Variants in SYBU observed in about 807,000 individuals in gnomAD.
The protein encoded by SYBU is GOLSYN A protein.
Under a neutral mutation model 35.9 loss-of-function variants are expected in SYBU, and 21 were observed. The ratio of observed to expected loss-of-function variants is 0.58; its 90% confidence interval spans 0.41 to 0.84. The LOEUF (loss-of-function observed/expected upper bound fraction) is 0.84. SYBU is among the 40% of genes least tolerant of loss of function. SYBU has a pLI of 0.00. For synonymous variants in SYBU, 319 were observed against 324.3 expected (o/e 0.98, Z 0.18); for missense variants, 768 against 848.2 (o/e 0.91, Z 1.17).
At chr8:109,646,068 A>T (rs1175945819), upstream of SYBU, 2 of 152,216 alleles carry the variant, frequency 1.3e-5, no homozygotes, top group African/African-American at 4.8e-5. Context: ...AAAGCTCGAA[A>T]ATCTGTCCAA....
At chr8:109,683,878 C>T (rs112955190), upstream of SYBU, among the ~76,000 whole-genome samples, 819 of 152,186 alleles carry the variant, frequency 5.4e-3, 5 homozygotes, top group African/African-American at 0.019. Flanking sequence ...AAGGAGCTTC[C>T]CCCCTTTTTC....
At chr8:109,644,965 G>A, upstream of SYBU, 1 of 464,432 alleles carries the variant, frequency 2.2e-6, no homozygotes, top group Non-Finnish European at 3.9e-6. Flanking sequence ...CGCCCCACCC[G>A]CCCGATTTCC....
At chr8:109,630,418 T>A (rs1813484318) in intron 2 of SYBU, among the ~76,000 whole-genome samples, 1 of 150,234 alleles carries the variant, frequency 6.7e-6, no homozygotes, top group Non-Finnish European at 1.5e-5. Context: ...AAACTTGAAG[T>A]ATAATAATAA....
intron 2 of SYBU, among the ~76,000 whole-genome samples, chr8:109,630,660 T>A (rs1451853346): frequency 6.6e-6 from 1 of 152,236 alleles, no homozygotes; most frequent in Non-Finnish European, 1.5e-5. Context: ...AGTGGGTATA[T>A]GGCACTCATT....
upstream of SYBU, among the ~76,000 whole-genome samples, chr8:109,649,121 G>A (rs1235459222): frequency 6.8e-6 from 1 of 146,704 alleles, no homozygotes; most frequent in African/African-American, 2.5e-5. Context: ...TCCTGCCTTA[G>A]CCTCCTGAGT....
chr8:109,607,853 C>CAG, intron 3 of SYBU: 2 of 923,966 alleles, frequency 2.2e-6, no homozygotes, highest in Non-Finnish European at 1.7e-6. Flanking sequence ...CACACACACA[C>CAG]AGTCTAGCCT....
chr8:109,578,723 G>T (rs1822653122), intron 5 of SYBU, among the ~76,000 whole-genome samples: 1 of 152,184 alleles, frequency 6.6e-6, no homozygotes, highest in Admixed American at 6.5e-5. Context: ...CAGCACAGTG[G>T]GTGAGGGTCA....
At chr8:109,580,089 C>A in intron 4 of SYBU, 87 bp from the exon 5 acceptor site, 1 of 1,282,082 alleles carries the variant, frequency 7.8e-7, no homozygotes, top group Non-Finnish European at 1.1e-6. Flanking sequence ...CTAAGGAAAT[C>A]CAATTTATAG....
chr8:109,609,059 C>A (rs1810890346), intron 3 of SYBU, among the ~76,000 whole-genome samples: 1 of 152,104 alleles, frequency 6.6e-6, no homozygotes, highest in South Asian at 2.1e-4. Flanking sequence ...AATAAACTCC[C>A]CCGACCCGTG....
chr8:109,672,227 G>A (rs1410746130), intron 1 of SYBU, among the ~76,000 whole-genome samples: 1 of 152,110 alleles, frequency 6.6e-6, no homozygotes, highest in East Asian at 1.9e-4. Context: ...TTTAAAAGCT[G>A]GGGGTGGCTG....
intron 2 of SYBU, among the ~76,000 whole-genome samples, chr8:109,630,129 T>C (rs1163893172): frequency 6.6e-6 from 1 of 151,788 alleles, no homozygotes; most frequent in Non-Finnish European, 1.5e-5. Flanking sequence ...TGTAGGGACA[T>C]GGATGAAATT....
intron 3 of SYBU, among the ~76,000 whole-genome samples, chr8:109,610,962 T>C (rs1298383638): frequency 6.6e-6 from 1 of 152,184 alleles, no homozygotes; most frequent in Non-Finnish European, 1.5e-5. Flanking sequence ...GCACATACCT[T>C]TGCAGTCAGT....
chr8:109,658,775 G>A lies in SYBU; in HGVS notation c.-129+21936C>T, dbSNP rs113347743. 1.2e-3 allele frequency among the ~76,000 whole-genome samples: 184 copies of A among 152,240 alleles called. 1 individual carries two copies. Among genetic ancestry groups the A allele is most frequent in the African/African-American group, 4.2e-3 (176 of 41,552 alleles). ...TTGAGACTAGCTTGACCAACAGGGTGAAACCCCATCTCTATGAAAAATACA... is the reference window on the plus strand; with the variant it reads ...TTGAGACTAGCTTGACCAACAGGGTAAAACCCCATCTCTATGAAAAATACA... On this transcript the variant is annotated intron_variant, in intron 1 of 5. Coordinates refer to the SYBU transcript ENST00000408889.
chr8:109,656,314 T>A (rs1816353220), intron 1 of SYBU, among the ~76,000 whole-genome samples: 1 of 152,212 alleles, frequency 6.6e-6, no homozygotes. Context: ...ATATTTCCCT[T>A]AGTGAACACC....
intron 2 of SYBU, among the ~76,000 whole-genome samples, chr8:109,621,285 G>A (rs1173553788): frequency 6.6e-6 from 1 of 152,230 alleles, no homozygotes; most frequent in Non-Finnish European, 1.5e-5. Flanking sequence ...CAAGGATTAA[G>A]TGCTGGGGTC....
intron 1 of SYBU, among the ~76,000 whole-genome samples, chr8:109,656,258 G>A (rs1393664554): frequency 6.6e-6 from 1 of 152,186 alleles, no homozygotes; most frequent in Admixed American, 6.5e-5. Context: ...CCTAATGCTT[G>A]AGACACTAAG....
intron 3 of SYBU, among the ~76,000 whole-genome samples, chr8:109,589,943 T>G (rs1378340813): frequency 1.3e-5 from 2 of 152,078 alleles, no homozygotes; most frequent in African/African-American, 2.4e-5. Flanking sequence ...TCTTATCTTT[T>G]ATCACTGCAA....
chr8:109,679,482 C>T (rs1365642411), intron 1 of SYBU, among the ~76,000 whole-genome samples: 1 of 152,190 alleles, frequency 6.6e-6, no homozygotes, highest in Admixed American at 6.5e-5. Flanking sequence ...GATCGGGACC[C>T]CTTTCTGGTA....
chr8:109,687,347 G>A (rs918760402), intron 1 of SYBU, among the ~76,000 whole-genome samples: 1 of 152,164 alleles, frequency 6.6e-6, no homozygotes, highest in Admixed American at 6.5e-5. Context: ...CTCAGGTCAA[G>A]TCATGTCACT....
Sources: allele counts gnomAD v4.1 joint callset (sites outside exome capture counted in the v4.1 genomes callset), GRCh38; gene constraint gnomAD v4.1.1; transcripts MANE v1.5; gene names NCBI Gene and HGNC (gene_info 2026-07-23, HGNC 2026-07-21).